NAP1L1: variants seen among roughly 807,000 people sequenced by gnomAD.
NAP1L1 encodes nucleosome assembly protein 1-like 1.
Under a neutral mutation model 58.9 loss-of-function variants are expected in NAP1L1, and 9 were observed. The observed-to-expected ratio is 0.15, with a 90% CI of 0.09 to 0.27. The LOEUF (loss-of-function observed/expected upper bound fraction) is 0.27, where lower values mean the gene tolerates loss of function less well. Among genes scored for constraint, NAP1L1 ranks in the 10% least tolerant of loss-of-function variants. The pLI, the probability that NAP1L1 is intolerant of heterozygous loss-of-function variation, is 1.00. For missense variants in NAP1L1, 302 were observed against 458.8 expected (o/e 0.66, Z 3.12); for synonymous variants, 130 against 138.3 (o/e 0.94, Z 0.42).
At chr12:76,071,067 C>T (rs1164895761) in intron 2 of NAP1L1, among the ~76,000 whole-genome samples, 3 of 152,048 alleles carry the variant, frequency 2.0e-5, no homozygotes, top group Non-Finnish European at 4.4e-5. Context: ...TATTATTGTG[C>T]TGTTATATTT....
chr12:76,049,155 TTA>T (rs1295842394), intron 14 of NAP1L1, 43 bp downstream of exon 14: 14 of 1,542,216 alleles, frequency 9.1e-6, no homozygotes, highest in Non-Finnish European at 1.3e-5. Context: ...AACTCTTACT[TTA>T]GCTATCTTAA....
At chr12:76,056,685 TAA>T (rs34298638) in intron 6 of NAP1L1, 3,680 of 407,292 alleles carry the variant, frequency 9.0e-3, no homozygotes, top group Admixed American at 0.011. Flanking sequence ...ACCATGAAGT[TAA>T]AAAAAAAAAA....
At position 76,040,697 on chromosome 12, in the gene NAP1L1, C is replaced by A. The variant is rs1948543956; in HGVS notation, c.*7732G>T. 1 of 152,116 alleles carries A rather than the reference C, an allele frequency of 6.6e-6. No homozygotes were observed. Among genetic ancestry groups the A allele is most frequent in the Admixed American group, 6.6e-5 (1 of 15,260 alleles). 9.4% of individuals were successfully genotyped at this position (152,116 alleles called of 1,614,324 possible). ...GCCTCAGCCTCCTGAGTAGCTTGGA[C>A]TACAGGCACACACCACTACCACCTA... On this transcript the variant is annotated 3_prime_UTR_variant, in exon 15 of 15. Transcript: ENST00000618691.
At chr12:76,057,493 G>T in intron 6 of NAP1L1, 1 of 669,602 alleles carries the variant, frequency 1.5e-6, no homozygotes. Context: ...CAACAGTGGC[G>T]GGAGCAGAGC....
At chr12:76,056,702 T>C (rs1949111090) in intron 6 of NAP1L1, 1 of 443,738 alleles carries the variant, frequency 2.3e-6, no homozygotes, top group South Asian at 1.6e-5. Flanking sequence ...AAAAAAAGAA[T>C]ATAATGAATC....
chr12:76,040,919 T>C lies in NAP1L1; in HGVS notation c.*7510A>G, dbSNP rs1592593989. On this transcript the variant is annotated 3_prime_UTR_variant, in exon 15 of 15. Coordinates refer to ENST00000618691, the MANE Select transcript of NAP1L1 (RefSeq NM_004537.7). ...CTAGCTTACTTTTTACAGTATATAA[T>C]ACACATAACATACAAAGTGTGTGTT... 6.6e-6 allele frequency: 1 copy of C among 152,344 alleles called. No homozygotes were observed. Among genetic ancestry groups the C allele is most frequent in the Admixed American group, 6.5e-5 (1 of 15,308 alleles). The allele number at this position is 152,344 out of a possible 1,614,324, so 9.4% of individuals were successfully genotyped here.
chr12:76,053,134 A>G, intron 10 of NAP1L1, 24 bp from the exon 11 acceptor site: 2 of 1,612,702 alleles, frequency 1.2e-6, no homozygotes, highest in East Asian at 4.5e-5. Flanking sequence ...AAAAGAAATT[A>G]CAATGAATAA....
intron 1 of NAP1L1, among the ~76,000 whole-genome samples, chr12:76,080,382 A>C (rs1212738677): frequency 6.6e-6 from 1 of 152,234 alleles, no homozygotes; most frequent in Non-Finnish European, 1.5e-5. Context: ...TTGTGGTTAG[A>C]GTACACTCCA....
chr12:76,053,213 G>A lies in NAP1L1; in HGVS notation c.908C>T (p.Pro303Leu). The A allele has an allele frequency of 6.2e-7, 1 of 1,613,836 alleles. No homozygotes were observed. The highest frequency in any genetic ancestry group is 8.5e-7 in the Non-Finnish European group (1 of 1,179,892). ...GCTAAAACATTATTTACCTTCAGGA[G>A]GGGCAAAAAAGTTAAAGAAAGAGTC... Reference protein sequence around the residue: ...SNDSFFNFFAPPEVPESGDLD... With the variant: ...SNDSFFNFFALPEVPESGDLD... Residue 303 changes from proline to leucine, a missense_variant, in exon 10 of 15, where the codon CCT (proline) becomes CTT (leucine). Transcript: ENST00000618691.
At chr12:76,058,402 T>A (rs1222610245) in intron 6 of NAP1L1, among the ~76,000 whole-genome samples, 2 of 150,780 alleles carry the variant, frequency 1.3e-5, no homozygotes, top group Non-Finnish European at 3.0e-5. Flanking sequence ...TTTTTTTTTT[T>A]TTGAGACGGA....
intron 3 of NAP1L1, chr12:76,068,631 C>G (rs1949793459): frequency 7.0e-6 from 2 of 285,652 alleles, no homozygotes; most frequent in African/African-American, 4.4e-5. Context: ...TCAGACAAAA[C>G]TCATGGGCAG....
At chr12:76,064,346 A>T (rs1337845012) in intron 4 of NAP1L1, among the ~76,000 whole-genome samples, 1 of 152,232 alleles carries the variant, frequency 6.6e-6, no homozygotes. Context: ...GGTCAAACAG[A>T]CAACCAATAA....
intron 4 of NAP1L1, among the ~76,000 whole-genome samples, chr12:76,062,547 G>A (rs1484815009): frequency 6.6e-6 from 1 of 152,162 alleles, no homozygotes; most frequent in African/African-American, 2.4e-5. Flanking sequence ...AGATGAGGAA[G>A]ATTGACATGC....
Position 76,060,143 on chromosome 12 carries a change from C to G in NAP1L1, c.343G>C (p.Asp115His). The change falls in exon 5 of 15, where the codon GAT becomes CAT. Residue 115 changes from aspartate (D) to histidine (H), a missense_variant. Transcript: ENST00000618691. Reference protein sequence around the residue: ...KYAVLYQPLFDKRFEIINAIY... With the variant: ...KYAVLYQPLFHKRFEIINAIY... ...AAAGTAGGAGAAAGCATTACCTTAT[C>G]AAATAGAGGCTGATAGAGAACAGCA... is the stretch of plus-strand genomic sequence containing the variant. 2 of 1,611,454 alleles carry G rather than the reference C, an allele frequency of 1.2e-6. No homozygotes were observed. Among genetic ancestry groups the G allele is most frequent in the Non-Finnish European group, 1.7e-6 (2 of 1,179,086 alleles).
intron 1 of NAP1L1, among the ~76,000 whole-genome samples, chr12:76,083,224 T>C (rs1307501284): frequency 6.6e-6 from 1 of 152,138 alleles, no homozygotes; most frequent in African/African-American, 2.4e-5. Flanking sequence ...AAGTTTATAC[T>C]AACACCTCAT....
Position 76,038,246 on chromosome 12 carries a change from TACC to T in NAP1L1, c.*10180_*10182del, listed in dbSNP as rs1948517611. ...CCCCACTGAAGAGCCCAAGAACACC[TACC>T]ACCTTTCCTAAGTATGCTTCTACTC... On this transcript the variant is annotated 3_prime_UTR_variant, in exon 15 of 15. Transcript: ENST00000618691. 6.6e-6 allele frequency: 1 copy of T among 152,184 alleles called. No homozygotes were observed. The highest frequency in any genetic ancestry group is 2.4e-5 in the African/African-American group (1 of 41,450). 9.4% of individuals were successfully genotyped at this position (152,184 alleles called of 1,614,324 possible). A position where few individuals can be genotyped will look rare whatever the true frequency, so the allele number is the denominator to read the frequency against.
chr12:76,060,073 C>A, intron 5 of NAP1L1, 65 bp downstream of exon 5: 1 of 1,524,792 alleles, frequency 6.6e-7, no homozygotes, highest in South Asian at 1.2e-5. Flanking sequence ...TCTTCCAAGT[C>A]TGCTTATGTT....
At chr12:76,071,699 C>T (rs1949959650) in intron 2 of NAP1L1, among the ~76,000 whole-genome samples, 2 of 151,960 alleles carry the variant, frequency 1.3e-5, no homozygotes, top group Non-Finnish European at 2.9e-5. Flanking sequence ...GAGAGAAGGT[C>T]GCTAAAACAA....
At chr12:76,055,978 A>C in intron 7 of NAP1L1, 55 bp downstream of exon 7, 1 of 1,569,182 alleles carries the variant, frequency 6.4e-7, no homozygotes, top group Non-Finnish European at 8.7e-7. Flanking sequence ...ACAGCCATTT[A>C]AACTTCAAAG....
Sources: allele counts gnomAD v4.1 joint callset (sites outside exome capture counted in the v4.1 genomes callset), GRCh38; gene constraint gnomAD v4.1.1; transcripts MANE v1.5; gene names NCBI Gene and HGNC (gene_info 2026-07-23, HGNC 2026-07-21).